ASTN2: variants seen among roughly 807,000 people sequenced by gnomAD.
The protein encoded by ASTN2 is astrotactin 2, also known as astrotactin-2.
In ASTN2, 54 loss-of-function variants were observed where a neutral mutation model predicts 139.8. The ratio of observed to expected loss-of-function variants is 0.39; its 90% CI spans 0.31 to 0.48. The LOEUF is 0.48. Ranked by LOEUF, ASTN2 falls within the 20% of genes least tolerant of loss-of-function variation. ASTN2 has a pLI of 0.95. For synonymous variants in ASTN2, 756 were observed against 719.5 expected, an observed-to-expected ratio of 1.05 and a Z score of -0.81; for missense variants, 1,565 against 1,725.1, an observed-to-expected ratio of 0.91 and a Z score of 1.64.
chr9:116,919,640 A>ATTTTTTTT (rs72054196), intron 10 of ASTN2, among the ~76,000 whole-genome samples: 1 of 113,566 alleles, frequency 8.8e-6, no homozygotes, highest in African/African-American at 3.5e-5. Flanking sequence ...CAAAAACATC[A>ATTTTTTTT]TTTTTTTTTT....
chr9:116,760,875 A>T (rs766053791), intron 13 of ASTN2, among the ~76,000 whole-genome samples: 11 of 151,604 alleles, frequency 7.3e-5, no homozygotes, highest in Non-Finnish European at 1.6e-4. Context: ...TGCAGAGAAT[A>T]CAAACATCTG....
intron 2 of ASTN2, among the ~76,000 whole-genome samples, chr9:117,268,819 A>C (rs1833994861): frequency 6.6e-6 from 1 of 152,084 alleles, no homozygotes; most frequent in Non-Finnish European, 1.5e-5. Flanking sequence ...CAAGTCTGTC[A>C]CTCTAGTTAA....
chr9:116,522,407 C>T (rs183233301), intron 19 of ASTN2, among the ~76,000 whole-genome samples: 3 of 152,182 alleles, frequency 2.0e-5, no homozygotes, highest in Admixed American at 6.5e-5. Flanking sequence ...GGTGAAGTAA[C>T]TCAGGAATAG....
intron 6 of ASTN2, among the ~76,000 whole-genome samples, chr9:117,035,861 A>G (rs1420391660): frequency 6.6e-6 from 1 of 152,178 alleles, no homozygotes; most frequent in Non-Finnish European, 1.5e-5. Flanking sequence ...GCTGGAACAG[A>G]GCATATAATG....
intron 19 of ASTN2, among the ~76,000 whole-genome samples, chr9:116,505,450 C>A: frequency 6.6e-6 from 1 of 152,002 alleles, no homozygotes; most frequent in East Asian, 1.9e-4. Context: ...AAAACCAAAC[C>A]AAAACCAGAA....
At chr9:116,809,636 T>G (rs1216488386) in intron 12 of ASTN2, among the ~76,000 whole-genome samples, 2 of 152,210 alleles carry the variant, frequency 1.3e-5, no homozygotes, top group Non-Finnish European at 2.9e-5. Context: ...TAGTGGAATT[T>G]TGGGTGGCAT....
intron 20 of ASTN2, among the ~76,000 whole-genome samples, chr9:116,447,702 G>A (rs1377748178): frequency 2.0e-5 from 3 of 152,204 alleles, no homozygotes; most frequent in Non-Finnish European, 4.4e-5. Context: ...AAGGGTTCTT[G>A]TTAGAATAAA....
intron 13 of ASTN2, among the ~76,000 whole-genome samples, chr9:116,751,460 G>A (rs1829400879): frequency 6.6e-6 from 1 of 152,142 alleles, no homozygotes; most frequent in Non-Finnish European, 1.5e-5. Flanking sequence ...CAGTGTTGCT[G>A]AATTGTTGTG....
Position 117,180,921 on chromosome 9 carries a change from C to A in ASTN2, c.1015+33437G>T, listed in dbSNP as rs577055613. 3.4e-5 allele frequency: 55 copies of A among 1,594,952 alleles called. No homozygotes were observed. In the African/African-American group the frequency reaches 6.4e-4, roughly 19 times the overall value. On this transcript the variant is annotated intron_variant, in intron 3 of 22. Coordinates refer to ENST00000313400, the MANE Select transcript of ASTN2 (RefSeq NM_001365068.1). Reference sequence around the variant, plus strand: ...CCTCAATTACATGCTCCTTGTTCTGCAGCTTGGTGTGGATGGACATGATAA... The same window carrying A: ...CCTCAATTACATGCTCCTTGTTCTGAAGCTTGGTGTGGATGGACATGATAA...
chr9:116,699,663 A>C lies in ASTN2; in HGVS notation c.2806+26108T>G. On this transcript the variant is annotated intron_variant, in intron 16 of 22. Coordinates refer to ENST00000313400, the MANE Select transcript of ASTN2 (RefSeq NM_001365068.1). This position sits in a 1 kb window ranked among gnomAD's most constrained non-coding sequence, Gnocchi z 4.2. ...CTTGGACTGTTGGGATCATTGCATCAAGATCTACAGCTACCATCTGAGAAG... is the reference window on the plus strand; with the variant it reads ...CTTGGACTGTTGGGATCATTGCATCCAGATCTACAGCTACCATCTGAGAAG... The C allele has an allele frequency of 6.2e-7, 1 of 1,614,112 alleles. No individual in the cohort carries two copies. Among genetic ancestry groups the C allele is most frequent in the Non-Finnish European group, 8.5e-7 (1 of 1,180,004 alleles).
chr9:116,565,351 T>TC (rs1853134782), intron 19 of ASTN2, among the ~76,000 whole-genome samples: 1 of 36,004 alleles, frequency 2.8e-5, no homozygotes. Context: ...AAGACACTGT[T>TC]TCTCTCTCTC....
intron 6 of ASTN2, among the ~76,000 whole-genome samples, chr9:117,010,621 TATAAAGATTACATAAGACA>T (rs1837499072): frequency 6.6e-6 from 1 of 152,216 alleles, no homozygotes; most frequent in Non-Finnish European, 1.5e-5. Flanking sequence ...CATAGCTTGA[TATAAAGATTACATAAGACA>T]ATGCATTTGT....
At chr9:117,244,684 A>T (rs7469035) in intron 2 of ASTN2, among the ~76,000 whole-genome samples, 2 of 129,224 alleles carry the variant, frequency 1.5e-5, no homozygotes, top group Non-Finnish European at 3.2e-5. Flanking sequence ...ATGGAAGGAC[A>T]GAAGGAAGGA....
intron 13 of ASTN2, among the ~76,000 whole-genome samples, chr9:116,779,051 C>T (rs992254283): frequency 1.3e-5 from 2 of 152,102 alleles, no homozygotes; most frequent in African/African-American, 4.8e-5. Flanking sequence ...TTTAAGAAAC[C>T]TGTAACAAAT....
chr9:116,707,465 A>G (rs1238773667), intron 16 of ASTN2, among the ~76,000 whole-genome samples: 1 of 152,068 alleles, frequency 6.6e-6, no homozygotes. Flanking sequence ...GCAACTCTGG[A>G]GGAAGAATCT....
At chr9:117,156,733 T>C (rs1160334525) in intron 3 of ASTN2, among the ~76,000 whole-genome samples, 1 of 152,020 alleles carries the variant, frequency 6.6e-6, no homozygotes, top group African/African-American at 2.4e-5. Flanking sequence ...AAGCATTTGA[T>C]AAACGTGAAC....
rs886801415 is a variant in ASTN2 at position 117,202,902 on chromosome 9, C to T, written c.1015+11456G>A. On this transcript the variant is annotated intron_variant, in intron 3 of 22. Transcript: ENST00000313400. The stretch of plus-strand genomic sequence containing the variant: ...CATGTCTTGCTAGGTTGGGGAAGTT[C>T]TCCTGAATATATATCCTGAGGTGTC... Among the ~76,000 whole-genome samples the T allele has an allele frequency of 2.6e-5, 4 of 152,132 alleles. No individual in the cohort carries two copies. The South Asian group carries it at 8.3e-4, about 32-fold the overall frequency.
intron 3 of ASTN2, among the ~76,000 whole-genome samples, chr9:117,163,369 G>A (rs1225605326): frequency 6.6e-6 from 1 of 152,040 alleles, no homozygotes; most frequent in African/African-American, 2.4e-5. Flanking sequence ...GGACTGCCAA[G>A]TTTTCATCCA....
chr9:116,918,809 C>T (rs1317633781), intron 10 of ASTN2, among the ~76,000 whole-genome samples: 4 of 152,132 alleles, frequency 2.6e-5, no homozygotes, highest in Non-Finnish European at 4.4e-5. Flanking sequence ...GTCTTATAAA[C>T]ATAAGTCTAT....
Sources: allele counts gnomAD v4.1 joint callset (sites outside exome capture counted in the v4.1 genomes callset), GRCh38; gene constraint gnomAD v4.1.1; non-coding constraint Gnocchi (gnomAD v3.1); transcripts MANE v1.5; gene names NCBI Gene and HGNC (gene_info 2026-07-23, HGNC 2026-07-21).